The following CDH12 variants were observed in gnomAD, a reference collection of about 807,000 sequenced individuals.
The protein encoded by CDH12 is cadherin-12.
CDH12 carries 41 observed loss-of-function variants against 74.1 expected under a neutral mutation model. The observed-to-expected ratio is 0.55, with a 90% CI of 0.43 to 0.72. The LOEUF (loss-of-function observed/expected upper bound fraction) is 0.72, where lower values mean the gene tolerates loss of function less well. Among genes scored for constraint, CDH12 ranks in the 30% least tolerant of loss-of-function variants. The pLI, the probability that CDH12 is intolerant of heterozygous loss-of-function variation, is 0.00. For missense variants in CDH12, 945 were observed against 977.2 expected (o/e 0.97, Z 0.44); for synonymous variants, 399 against 355.0 (o/e 1.12, Z -1.39).
At chr5:21,827,659 T>C (rs1006033964) in intron 8 of CDH12, among the ~76,000 whole-genome samples, 9 of 152,154 alleles carry the variant, frequency 5.9e-5, no homozygotes, top group Middle Eastern at 3.2e-3. Context: ...TTAAAGCAAA[T>C]GCATCAGAAA....
intron 4 of CDH12, among the ~76,000 whole-genome samples, chr5:22,099,696 C>G (rs1390412777): frequency 6.6e-6 from 1 of 152,206 alleles, no homozygotes; most frequent in Non-Finnish European, 1.5e-5. Context: ...GCTGATATCT[C>G]CTGGTGCTAC....
intron 4 of CDH12, among the ~76,000 whole-genome samples, chr5:22,170,183 G>A (rs964301107): frequency 2.6e-5 from 4 of 151,816 alleles, no homozygotes; most frequent in African/African-American, 4.8e-5. Context: ...GAGGGGGAAC[G>A]ATAATAGCCA....
intron 1 of CDH12, among the ~76,000 whole-genome samples, chr5:22,720,679 A>C (rs1743834841): frequency 1.3e-5 from 2 of 152,146 alleles, no homozygotes; most frequent in East Asian, 1.9e-4. Context: ...GAAAGTTTGG[A>C]GCTTCCTAGA....
At chr5:22,109,432 A>G (rs1744687242) in intron 4 of CDH12, among the ~76,000 whole-genome samples, 1 of 152,102 alleles carries the variant, frequency 6.6e-6, no homozygotes, top group African/African-American at 2.4e-5. Flanking sequence ...TTTTCACATC[A>G]CCTTATGGGA....
chr5:22,659,531 C>T (rs902050425), intron 1 of CDH12, among the ~76,000 whole-genome samples: 1 of 152,000 alleles, frequency 6.6e-6, no homozygotes, highest in Non-Finnish European at 1.5e-5. Context: ...ATGTACTGTG[C>T]ACATATATAT....
intron 2 of CDH12, among the ~76,000 whole-genome samples, chr5:22,446,455 T>C (rs1252189447): frequency 6.6e-6 from 1 of 152,066 alleles, no homozygotes; most frequent in African/African-American, 2.4e-5. Context: ...AACAACAAAA[T>C]GAGACTGAAA....
At chr5:22,514,118 G>A (rs991851464) in intron 1 of CDH12, among the ~76,000 whole-genome samples, 3 of 151,266 alleles carry the variant, frequency 2.0e-5, no homozygotes, top group African/African-American at 4.9e-5. Flanking sequence ...AGAGACTATG[G>A]GTCAAATGAA....
chr5:22,204,162 G>GGTTTTTT (rs1554020485), intron 4 of CDH12, among the ~76,000 whole-genome samples: 4 of 129,894 alleles, frequency 3.1e-5, no homozygotes, highest in Non-Finnish European at 3.4e-5. Flanking sequence ...TGTTTTGTTT[G>GGTTTTTT]TTTTTTTTTT....
intron 6 of CDH12, among the ~76,000 whole-genome samples, chr5:21,879,230 A>G (rs973176823): frequency 6.6e-6 from 1 of 151,476 alleles, no homozygotes; most frequent in South Asian, 2.1e-4. Flanking sequence ...TTCAAAGCCC[A>G]CTGAAAACAA....
In CDH12 at chr5:22,630,628, T is replaced by C. The variant is rs1045368508; in HGVS notation, c.-522-125264A>G. On this transcript the variant is annotated intron_variant, in intron 1 of 14. Transcript: ENST00000382254. ...AACTGGACCACTTTCTTATGCCACA[T>C]ACAAAAATCAGCTCAAGACAGGTTA... Among the ~76,000 whole-genome samples the C allele has an allele frequency of 2.0e-5, 3 of 152,080 alleles. No homozygotes were observed. The East Asian group carries it at 5.8e-4, about 29-fold the overall frequency.
At chr5:22,472,701 C>T (rs542357961) in intron 2 of CDH12, among the ~76,000 whole-genome samples, 18 of 152,034 alleles carry the variant, frequency 1.2e-4, no homozygotes, top group African/African-American at 4.3e-4. Flanking sequence ...TCTATTGAAC[C>T]CTTGTAACTT....
chr5:22,689,513 A>T (rs1229086833), intron 1 of CDH12, among the ~76,000 whole-genome samples: 1 of 152,136 alleles, frequency 6.6e-6, no homozygotes, highest in African/African-American at 2.4e-5. Flanking sequence ...AAATTGGAAG[A>T]TCCTTCCCCA....
At chr5:22,715,447 C>G (rs1460800895) in intron 1 of CDH12, among the ~76,000 whole-genome samples, 1 of 152,140 alleles carries the variant, frequency 6.6e-6, no homozygotes, top group African/African-American at 2.4e-5. Flanking sequence ...TGTGCTGCTA[C>G]TCAGTACCAA....
chr5:22,414,710 T>G (rs887666490), intron 2 of CDH12, among the ~76,000 whole-genome samples: 2 of 151,894 alleles, frequency 1.3e-5, no homozygotes, highest in African/African-American at 4.8e-5. Flanking sequence ...CATTGCATAT[T>G]ATTAGTTATA....
intron 3 of CDH12, among the ~76,000 whole-genome samples, chr5:22,235,849 G>T (rs1004514712): frequency 6.6e-6 from 1 of 152,112 alleles, no homozygotes; most frequent in African/African-American, 2.4e-5. Context: ...TCTTCATTGG[G>T]TGAACATCAC....
chr5:21,923,416 C>A (rs891449026), intron 6 of CDH12, among the ~76,000 whole-genome samples: 1 of 152,078 alleles, frequency 6.6e-6, no homozygotes, highest in East Asian at 1.9e-4. Context: ...ATTACACTGA[C>A]CTGAGATCTT....
chr5:21,767,125 T>A (rs568256659), intron 11 of CDH12, among the ~76,000 whole-genome samples: 2 of 151,996 alleles, frequency 1.3e-5, no homozygotes, highest in South Asian at 4.1e-4. Flanking sequence ...CTACTCAACA[T>A]CTGGGTAATG....
chr5:21,771,762 C>T (rs1026752564), intron 11 of CDH12, among the ~76,000 whole-genome samples: 5 of 152,124 alleles, frequency 3.3e-5, no homozygotes, highest in Non-Finnish European at 7.4e-5. Flanking sequence ...AAACGATGTA[C>T]AGAATGTAAA....
At chr5:22,791,774 G>T (rs528667441) in intron 1 of CDH12, among the ~76,000 whole-genome samples, 64 of 152,268 alleles carry the variant, frequency 4.2e-4, no homozygotes, top group African/African-American at 1.5e-3. Flanking sequence ...AAGAATGCCA[G>T]ACACTGGAAA....
Sources: gnomAD v4.1 joint callset for allele counts (sites outside exome capture counted in the v4.1 genomes callset) on GRCh38, gnomAD v4.1.1 for gene constraint, MANE v1.5 for transcripts, NCBI Gene and HGNC (gene_info 2026-07-23, HGNC 2026-07-21) for gene names.